The following CTNND2 variants were observed in gnomAD, a reference collection of about 807,000 sequenced individuals.
The protein encoded by CTNND2 is catenin delta 2.
In CTNND2, 22 loss-of-function variants were observed where a neutral mutation model predicts 144.4. The ratio of observed to expected loss-of-function variants is 0.15; its 90% CI spans 0.11 to 0.22. The LOEUF (loss-of-function observed/expected upper bound fraction) is 0.22, where lower values mean the gene tolerates loss of function less well. CTNND2 is among the 10% of genes least tolerant of loss of function. The pLI is 1.00. For missense variants in CTNND2, 1,353 were observed against 1,618.8 expected (o/e 0.84, Z 2.82); for synonymous variants, 751 against 695.6 (o/e 1.08, Z -1.25).
chr5:11,433,658 C>A lies in CTNND2; in HGVS notation c.288-21589G>T, dbSNP rs557331876. Among the ~76,000 whole-genome samples the A allele has an allele frequency of 2.0e-5, 3 of 152,232 alleles. No homozygotes were observed. The East Asian group carries it at 5.8e-4, about 30-fold the overall frequency. On this transcript the variant is annotated intron_variant, in intron 3 of 21. Transcript: ENST00000304623. ...GAAAGGGGTGTGGGTAGGTGCCACA[C>A]ACTTTTAAACAAGCAGATCTTCTGT... is the stretch of plus-strand genomic sequence containing the variant.
chr5:11,589,319 A>ACACACACACG (rs1561596539), intron 2 of CTNND2, among the ~76,000 whole-genome samples: 13 of 150,518 alleles, frequency 8.6e-5, no homozygotes, highest in African/African-American at 3.2e-4. Flanking sequence ...ACACGACAAC[A>ACACACACACG]ACAACAACAA....
intron 7 of CTNND2, among the ~76,000 whole-genome samples, chr5:11,376,201 A>G (rs1272598003): frequency 6.6e-6 from 1 of 152,116 alleles, no homozygotes; most frequent in Admixed American, 6.5e-5. Flanking sequence ...ACAATTTATG[A>G]TATTTTTTAT....
intron 3 of CTNND2, among the ~76,000 whole-genome samples, chr5:11,542,175 T>C (rs1177691746): frequency 6.6e-6 from 1 of 152,016 alleles, no homozygotes; most frequent in Non-Finnish European, 1.5e-5. Context: ...CAATCAATAA[T>C]GAACTGCGCC....
chr5:11,383,324 C>T (rs1010025523), intron 7 of CTNND2, among the ~76,000 whole-genome samples: 1 of 152,114 alleles, frequency 6.6e-6, no homozygotes, highest in Non-Finnish European at 1.5e-5. Context: ...TTGACATGAT[C>T]TGGTAACTTA....
intron 1 of CTNND2, among the ~76,000 whole-genome samples, chr5:11,821,542 A>T (rs1321338759): frequency 6.6e-6 from 1 of 152,218 alleles, no homozygotes; most frequent in East Asian, 1.9e-4. Context: ...ACCAAAAAAA[A>T]AAATTTCATC....
chr5:11,718,076 A>G (rs540180018), intron 2 of CTNND2, among the ~76,000 whole-genome samples: 1 of 152,306 alleles, frequency 6.6e-6, no homozygotes, highest in Admixed American at 6.5e-5. Context: ...TAAGTGTGAA[A>G]TTTATTACTA....
At chr5:11,579,828 T>C (rs1778280862) in intron 2 of CTNND2, among the ~76,000 whole-genome samples, 1 of 152,142 alleles carries the variant, frequency 6.6e-6, no homozygotes, top group Non-Finnish European at 1.5e-5. Flanking sequence ...AACTGCAGTT[T>C]TACCTGATAG....
intron 2 of CTNND2, among the ~76,000 whole-genome samples, chr5:11,605,266 A>C (rs533844899): frequency 1.3e-5 from 2 of 152,344 alleles, no homozygotes; most frequent in Admixed American, 6.5e-5. Context: ...ATATGAAAGC[A>C]ACTTAAATTA....
chr5:11,852,334 A>C (rs1795055711), intron 1 of CTNND2, among the ~76,000 whole-genome samples: 1 of 152,218 alleles, frequency 6.6e-6, no homozygotes, highest in Non-Finnish European at 1.5e-5. Context: ...TCCTTGCTTA[A>C]TTAATTATAG....
intron 2 of CTNND2, 121 bp downstream of exon 2, chr5:11,732,015 C>A (rs1299084494): frequency 3.6e-6 from 3 of 829,936 alleles, no homozygotes; most frequent in Non-Finnish European, 3.6e-6. Context: ...ATAATAAATA[C>A]CAACACTCTG....
chr5:11,519,030 A>G (rs495466), intron 3 of CTNND2, among the ~76,000 whole-genome samples: 1 of 139,130 alleles, frequency 7.2e-6, no homozygotes, highest in Non-Finnish European at 1.5e-5. Context: ...CACACACACA[A>G]ATTTAAGTAT....
At chr5:11,335,901 G>T (rs1356077131) in intron 9 of CTNND2, among the ~76,000 whole-genome samples, 1 of 152,098 alleles carries the variant, frequency 6.6e-6, no homozygotes, top group Non-Finnish European at 1.5e-5. Context: ...TTTAGCCTCT[G>T]ATTGGTTGCT....
At chr5:11,074,356 A>G (rs1485991466) in intron 16 of CTNND2, among the ~76,000 whole-genome samples, 2 of 152,172 alleles carry the variant, frequency 1.3e-5, no homozygotes, top group African/African-American at 4.8e-5. Flanking sequence ...GGGGTGCAAT[A>G]TGATACTCTG....
chr5:11,243,654 T>C (rs1447282870), intron 9 of CTNND2, among the ~76,000 whole-genome samples: 1 of 152,238 alleles, frequency 6.6e-6, no homozygotes, highest in African/African-American at 2.4e-5. Flanking sequence ...GCCCACAATA[T>C]TGTGAGTAAA....
intron 1 of CTNND2, among the ~76,000 whole-genome samples, chr5:11,801,943 T>C (rs766194423): frequency 6.6e-6 from 1 of 152,152 alleles, no homozygotes; most frequent in Non-Finnish European, 1.5e-5. Context: ...CGATACATTT[T>C]TCCCAAACTT....
At chr5:11,142,526 T>C (rs1245697940) in intron 12 of CTNND2, among the ~76,000 whole-genome samples, 1 of 152,146 alleles carries the variant, frequency 6.6e-6, no homozygotes, top group African/African-American at 2.4e-5. Flanking sequence ...ATTTTTATAG[T>C]TCACTTATAA....
chr5:11,052,356 T>A (rs1745929857), intron 16 of CTNND2, among the ~76,000 whole-genome samples: 1 of 152,170 alleles, frequency 6.6e-6, no homozygotes, highest in African/African-American at 2.4e-5. Context: ...ACAACAAATC[T>A]ACATGCAGAT....
At chr5:11,405,788 T>C (rs965444682) in intron 5 of CTNND2, among the ~76,000 whole-genome samples, 5 of 151,728 alleles carry the variant, frequency 3.3e-5, no homozygotes, top group African/African-American at 1.2e-4. Flanking sequence ...GGGAAGTGAG[T>C]GTAAGTGAAT....
chr5:11,571,420 C>T (rs1373301481), intron 2 of CTNND2, among the ~76,000 whole-genome samples: 1 of 152,130 alleles, frequency 6.6e-6, no homozygotes, highest in Non-Finnish European at 1.5e-5. Flanking sequence ...TGCTCTTTTT[C>T]CGCAAAGCTA....
Sources: gnomAD v4.1 joint callset for allele counts (sites outside exome capture counted in the v4.1 genomes callset) on GRCh38, gnomAD v4.1.1 for gene constraint, MANE v1.5 for transcripts, NCBI Gene and HGNC (gene_info 2026-07-23, HGNC 2026-07-21) for gene names.